Variants in CCDC7 observed in about 807,000 individuals in gnomAD.
The protein encoded by CCDC7 is coiled-coil domain-containing protein 7.
In CCDC7, 183 loss-of-function variants were observed where a neutral mutation model predicts 196.9. The observed-to-expected ratio is 0.93, with a 90% CI of 0.82 to 1.05. The LOEUF is 1.05. Among genes scored for constraint, CCDC7 ranks in the 50% least tolerant of loss-of-function variants. CCDC7 has a pLI of 0.00. For missense variants in CCDC7, 1,540 were observed against 1,482.2 expected (o/e 1.04, Z -0.64); for synonymous variants, 525 against 484.6 (o/e 1.08, Z -1.10).
At chr10:32,466,389 C>T (rs905245989) in intron 5 of CCDC7, among the ~76,000 whole-genome samples, 19 of 152,016 alleles carry the variant, frequency 1.2e-4, no homozygotes, top group Middle Eastern at 6.8e-3. Flanking sequence ...GCCCAGTACC[C>T]AACAGTTATC....
chr10:32,797,192 C>T (rs10827132), intron 29 of CCDC7, among the ~76,000 whole-genome samples: 148,515 of 150,964 alleles, frequency 0.98, 73,087 homozygotes, highest in Middle Eastern at 1. Flanking sequence ...TATATATATA[C>T]GTATATATAT....
intron 9 of CCDC7, among the ~76,000 whole-genome samples, chr10:32,502,703 A>G (rs934387233): frequency 6.6e-6 from 1 of 152,148 alleles, no homozygotes; most frequent in African/African-American, 2.4e-5. Flanking sequence ...AATGTCATTG[A>G]AATTTTCCTA....
intron 18 of CCDC7, among the ~76,000 whole-genome samples, chr10:32,598,801 A>G (rs2060688943): frequency 1.3e-5 from 2 of 152,190 alleles, no homozygotes; most frequent in Non-Finnish European, 2.9e-5. Flanking sequence ...ATTTCTTTAT[A>G]TTTATTAAGA....
intron 29 of CCDC7, among the ~76,000 whole-genome samples, chr10:32,782,229 G>GT (rs55712844): frequency 6.0e-5 from 9 of 150,216 alleles, no homozygotes; most frequent in African/African-American, 2.2e-4. Flanking sequence ...TTTTTTTTTT[G>GT]TTTTTTTTGG....
upstream of CCDC7, among the ~76,000 whole-genome samples, chr10:32,445,608 T>C (rs530511938): frequency 6.6e-6 from 1 of 152,338 alleles, no homozygotes; most frequent in African/African-American, 2.4e-5. Context: ...TCTAAAAAAC[T>C]CTACCTTGTA....
At chr10:32,580,759 T>A (rs899183107) in intron 16 of CCDC7, among the ~76,000 whole-genome samples, 8 of 152,166 alleles carry the variant, frequency 5.3e-5, no homozygotes, top group Admixed American at 5.2e-4. Context: ...GAGAGTTTTT[T>A]TCCCTAAGGG....
At chr10:32,696,112 G>T (rs1002628765) in intron 24 of CCDC7, among the ~76,000 whole-genome samples, 1 of 151,968 alleles carries the variant, frequency 6.6e-6, no homozygotes, top group Admixed American at 6.5e-5. Context: ...GGTCCTAATT[G>T]CAACAATTCG....
intron 21 of CCDC7, among the ~76,000 whole-genome samples, chr10:32,670,316 G>T (rs185651805): frequency 6.6e-6 from 1 of 151,720 alleles, no homozygotes; most frequent in Admixed American, 6.6e-5. Flanking sequence ...AGATGATTTC[G>T]TTGTTTTTTA....
intron 35 of CCDC7, 111 bp downstream of exon 36, chr10:32,845,737 G>A (rs898088561): frequency 1.4e-5 from 16 of 1,104,744 alleles, no homozygotes; most frequent in Admixed American, 3.9e-5. Context: ...TATTACACAG[G>A]TAAAATTCTT....
rs1387379532 is a variant in CCDC7 at position 32,834,723 on chromosome 10, T to C, written c.3269-92T>C. 3 of 541,238 alleles carry C rather than the reference T, an allele frequency of 5.5e-6. No individual in the cohort carries two copies. The East Asian group carries it at 1.1e-4, about 19-fold the overall frequency. 33.5% of individuals were successfully genotyped at this position (541,238 alleles called of 1,614,324 possible). A position where few individuals can be genotyped will look rare whatever the true frequency, so the allele number is the denominator to read the frequency against. Reference sequence around the variant, plus strand: ...ATGCTAATTAAGTTATTACTATTCATACATACAAATATACTATCACATACA... The same window carrying C: ...ATGCTAATTAAGTTATTACTATTCACACATACAAATATACTATCACATACA... On this transcript the variant is annotated intron_variant, in intron 32 of 41. Transcript: ENST00000639629.
At chr10:32,491,144 T>G (rs1345663458) in intron 8 of CCDC7, among the ~76,000 whole-genome samples, 1 of 152,194 alleles carries the variant, frequency 6.6e-6, no homozygotes, top group East Asian at 1.9e-4. Context: ...CTACTTTAAC[T>G]TCTCAGCTCC....
chr10:32,443,675 C>G (rs191684465), upstream of CCDC7, among the ~76,000 whole-genome samples: 3 of 152,056 alleles, frequency 2.0e-5, no homozygotes, highest in African/African-American at 7.2e-5. Context: ...TGTCTAACTT[C>G]GTGTAATATA....
intron 20 of CCDC7, among the ~76,000 whole-genome samples, chr10:32,643,482 G>A (rs899764954): frequency 2.6e-5 from 4 of 151,432 alleles, no homozygotes; most frequent in Non-Finnish European, 4.4e-5. Flanking sequence ...TTCATAGAAC[G>A]TTTCAATGTT....
chr10:32,850,802 CACACACACACACACACAG>C (rs755575173), intron 39 of CCDC7, among the ~76,000 whole-genome samples: 2 of 100,332 alleles, frequency 2.0e-5, no homozygotes, highest in Non-Finnish European at 5.1e-5. Context: ...CACACACACA[CACACACACACACACACAG>C]AGACATGCAA....
At chr10:32,709,649 C>T (rs1044325176) in intron 24 of CCDC7, among the ~76,000 whole-genome samples, 18 of 152,030 alleles carry the variant, frequency 1.2e-4, no homozygotes, top group African/African-American at 3.1e-4. Flanking sequence ...GATGAATCTT[C>T]GCTCACTCAC....
chr10:32,511,376 A>G, intron 9 of CCDC7: 3 of 1,608,376 alleles, frequency 1.9e-6, no homozygotes, highest in Non-Finnish European at 2.5e-6. Context: ...TGGTTCCCAG[A>G]GGGCATTTTT....
chr10:32,701,705 G>C (rs2078754433), intron 24 of CCDC7, among the ~76,000 whole-genome samples: 2 of 152,108 alleles, frequency 1.3e-5, no homozygotes, highest in South Asian at 4.1e-4. Flanking sequence ...GCCTGTTATT[G>C]GTCTATTCAG....
At chr10:32,845,483 C>T (rs1391229681) in intron 34 of CCDC7, 60 bp from the exon 36 acceptor site, 2 of 1,409,342 alleles carry the variant, frequency 1.4e-6, no homozygotes, top group African/African-American at 1.4e-5. Context: ...CACAAAAACA[C>T]ACACAAGTAT....
chr10:32,677,997 G>A (rs2140960456), intron 21 of CCDC7, among the ~76,000 whole-genome samples: 1 of 151,942 alleles, frequency 6.6e-6, no homozygotes, highest in Admixed American at 6.6e-5. Flanking sequence ...CTGCTTTTGA[G>A]GCTATCTATG....
Sources: allele counts gnomAD v4.1 joint callset (sites outside exome capture counted in the v4.1 genomes callset), GRCh38; gene constraint gnomAD v4.1.1; transcripts MANE v1.5; gene names NCBI Gene and HGNC (gene_info 2026-07-23, HGNC 2026-07-21).